Variants in PTBP1 observed in about 807,000 individuals in gnomAD.
The protein encoded by PTBP1 is polypyrimidine tract binding protein 1, also known as polypyrimidine tract-binding protein 1.
PTBP1 carries 8 observed loss-of-function variants against 59.8 expected under a neutral mutation model. The observed-to-expected ratio is 0.13, with a 90% confidence interval of 0.08 to 0.24. The LOEUF is 0.24. PTBP1 is among the 10% of genes least tolerant of loss of function. PTBP1 has a pLI of 1.00. For synonymous variants in PTBP1, 490 were observed against 320.7 expected (o/e 1.53, Z -5.64); for missense variants, 686 against 767.0 (o/e 0.89, Z 1.25).
At position 806,466 on chromosome 19, in the gene PTBP1, GGCGGCAGCT is replaced by G. The variant is rs758093363; in HGVS notation, c.1035_1043del (p.Ala347_Ala349del). On this transcript the variant is annotated inframe_deletion, in exon 10 of 15. Coordinates refer to ENST00000356948, the MANE Select transcript of PTBP1 (RefSeq NM_002819.5). ...CCCCCCTGGCCATCCCCTCGGCGGCGGCGGCAGCTGCGGCGGCAGGTCGGATCGCCATCC... is the reference window on the plus strand; with the variant it reads ...CCCCCCTGGCCATCCCCTCGGCGGCGGCGGCGGCAGGTCGGATCGCCATCC... 6.3e-7 allele frequency: 1 copy of G among 1,595,610 alleles called. No homozygotes were observed. Among genetic ancestry groups the G allele is most frequent in the Non-Finnish European group, 8.5e-7 (1 of 1,171,896 alleles).
In PTBP1 at chr19:807,864, T is replaced by TA. The variant is rs1397318151; in HGVS notation, c.1120-2dup. 2 of 1,613,602 alleles carry TA rather than the reference T, an allele frequency of 1.2e-6. No homozygotes were observed. The highest frequency in any genetic ancestry group is 1.7e-6 in the Non-Finnish European group (2 of 1,179,566). On this transcript the variant is annotated splice_region_variant and splice_polypyrimidine_tract_variant and intron_variant, in intron 10 of 14. Coordinates refer to ENST00000356948, the MANE Select transcript of PTBP1 (RefSeq NM_002819.5). ...CTCCGCTGCCTTGCTCTGCTGTCTC[T>TA]AAAGAGAGTCACACCCCAAAGCCTC...
At chr19:806,922 C>T (rs1053163854) in intron 10 of PTBP1, 16 of 188,314 alleles carry the variant, frequency 8.5e-5, no homozygotes, top group Non-Finnish European at 1.3e-4. Flanking sequence ...GTGGGCAGCC[C>T]CTGTGGCTCG....
rs1389560142 is a variant in PTBP1 at position 808,869 on chromosome 19, C to T, written c.1463+107C>T. The T allele has an allele frequency of 1.0e-5, 11 of 1,086,202 alleles. No homozygotes were observed. The highest frequency in any genetic ancestry group is 1.2e-5 in the Non-Finnish European group (9 of 739,970). The allele number at this position is 1,086,202 out of a possible 1,614,324, so 67.3% of individuals were successfully genotyped here. Reference sequence around the variant, plus strand: ...CTTCTGGCGTTTCCAGAGTGCAGGTCGGGCACCTCTTACCCCAAACCTGAA... The same window carrying T: ...CTTCTGGCGTTTCCAGAGTGCAGGTTGGGCACCTCTTACCCCAAACCTGAA... On this transcript the variant is annotated intron_variant, in intron 13 of 14. Transcript: ENST00000356948. The surrounding 1 kb of genome is among the most constrained non-coding windows in gnomAD (Gnocchi z 4.7).
chr19:798,385 G>A (rs905160202), intron 1 of PTBP1: 1 of 152,298 alleles, frequency 6.6e-6, no homozygotes, highest in Admixed American at 6.5e-5. Flanking sequence ...TAGGAAGCGG[G>A]AGAGGCTGGA....
chr19:799,336 T>C, intron 1 of PTBP1, 77 bp from the exon 2 acceptor site: 1 of 1,404,020 alleles, frequency 7.1e-7, no homozygotes, highest in South Asian at 1.2e-5. Context: ...CGGGCTCTCC[T>C]GGCCCGGGGA....
chr19:803,521 TG>T, intron 2 of PTBP1, 39 bp from the exon 3 acceptor site: 2 of 1,575,874 alleles, frequency 1.3e-6, no homozygotes, highest in Non-Finnish European at 1.7e-6. Flanking sequence ...GGCTCTGGCC[TG>T]GTGGGAAGTG....
Position 808,021 on chromosome 19 carries a change from T to G in PTBP1, c.1153+119T>G. The G allele has an allele frequency of 1.0e-6, 1 of 952,994 alleles. No individual in the cohort carries two copies. The highest frequency in any genetic ancestry group is 1.8e-5 in the Admixed American group (1 of 54,262). 59.0% of individuals were successfully genotyped at this position (952,994 alleles called of 1,614,324 possible). On this transcript the variant is annotated intron_variant, in intron 11 of 14. Transcript: ENST00000356948. The surrounding 1 kb of genome is among the most constrained non-coding windows in gnomAD (Gnocchi z 4.7). Reference sequence around the variant, plus strand: ...CTGATGCTCCGTGGCATCCGCCTCGTTTTATGGTTTGCTTTCGGTTTGCGA... The same window carrying G: ...CTGATGCTCCGTGGCATCCGCCTCGGTTTATGGTTTGCTTTCGGTTTGCGA...
intron 13 of PTBP1, among the ~76,000 whole-genome samples, chr19:809,168 C>T (rs961209431): frequency 5.3e-5 from 8 of 151,886 alleles, no homozygotes; most frequent in African/African-American, 1.9e-4. Context: ...ACAACCACAC[C>T]TGGCTAATTT....
At chr19:799,798 G>A (rs977059614) in intron 2 of PTBP1, among the ~76,000 whole-genome samples, 8 of 152,234 alleles carry the variant, frequency 5.3e-5, no homozygotes, top group Non-Finnish European at 1.2e-4. Flanking sequence ...GTGGCTGCCT[G>A]GGAGACTCTT....
At chr19:809,916 G>A (rs888620515) in intron 13 of PTBP1, among the ~76,000 whole-genome samples, 10 of 152,150 alleles carry the variant, frequency 6.6e-5, no homozygotes, top group African/African-American at 2.4e-4. Context: ...ATTACATAAT[G>A]CAAGTATTTG....
At chr19:807,924 T>G in intron 11 of PTBP1, 22 bp downstream of exon 11, 1 of 1,601,956 alleles carries the variant, frequency 6.2e-7, no homozygotes, top group Non-Finnish European at 8.6e-7. Context: ...TTCACACTTT[T>G]ATTACCTTGT....
chr19:799,906 A>C (rs986805374), intron 2 of PTBP1, among the ~76,000 whole-genome samples: 1 of 151,798 alleles, frequency 6.6e-6, no homozygotes, highest in African/African-American at 2.4e-5. Flanking sequence ...GTTGATTTTG[A>C]CGTTAAGTTT....
intron 2 of PTBP1, among the ~76,000 whole-genome samples, chr19:803,348 AG>A (rs2034421635): frequency 6.6e-6 from 1 of 152,164 alleles, no homozygotes; most frequent in African/African-American, 2.4e-5. Flanking sequence ...ATTTGGAAAA[AG>A]GAGCAGTGTT....
rs751649223 is a variant in PTBP1, at chr19:808,513, G to C, written c.1247-33G>C. The C allele has an allele frequency of 6.4e-7, 1 of 1,560,660 alleles. No individual in the cohort carries two copies. On this transcript the variant is annotated intron_variant, in intron 12 of 14. Transcript: ENST00000356948. The surrounding 1 kb of genome is among the most constrained non-coding windows in gnomAD (Gnocchi z 4.7). ...AGGGGCGGGGGCTGCGTTCCCTCTCGGGCGCCTGGTCACGCGGGTGCTGCT... is the reference window on the plus strand; with the variant it reads ...AGGGGCGGGGGCTGCGTTCCCTCTCCGGCGCCTGGTCACGCGGGTGCTGCT...
At position 810,893 on chromosome 19, in the gene PTBP1, A is replaced by C. The variant is rs2034832990; in HGVS notation, c.*67A>C. On this transcript the variant is annotated 3_prime_UTR_variant, in exon 15 of 15. Coordinates refer to ENST00000356948, the MANE Select transcript of PTBP1 (RefSeq NM_002819.5). Reference sequence around the variant, plus strand: ...CATCATTCCAGAGAAAAGCCACTTTAAAAACAGCTGAAGTGACCTTAGCAG... The same window carrying C: ...CATCATTCCAGAGAAAAGCCACTTTCAAAACAGCTGAAGTGACCTTAGCAG... 7.0e-7 allele frequency: 1 copy of C among 1,428,668 alleles called. No homozygotes were observed. The highest frequency in any genetic ancestry group is 2.6e-5 in the Admixed American group (1 of 38,318). The allele number at this position is 1,428,668 out of a possible 1,614,324, so 88.5% of individuals were successfully genotyped here. A position where few individuals can be genotyped will look rare whatever the true frequency, so the allele number is the denominator to read the frequency against.
At chr19:801,405 A>G (rs922255201) in intron 2 of PTBP1, among the ~76,000 whole-genome samples, 15 of 152,346 alleles carry the variant, frequency 9.8e-5, no homozygotes, top group Admixed American at 7.2e-4. Context: ...GCTGCCGCAG[A>G]CAGTTGTGGG....
In PTBP1 at chr19:798,254, C is replaced by T. The variant is rs1454072290; in HGVS notation, c.8+749C>T. Reference sequence around the variant, plus strand: ...CATGGGGAGGGGCCTTCCCGGCTCTCGGGCCGGGGCAGCCTTTCCGGGCGG... The same window carrying T: ...CATGGGGAGGGGCCTTCCCGGCTCTTGGGCCGGGGCAGCCTTTCCGGGCGG... On this transcript the variant is annotated intron_variant, in intron 1 of 14. Coordinates refer to ENST00000356948, the MANE Select transcript of PTBP1 (RefSeq NM_002819.5). Among the ~76,000 whole-genome samples, 4 of 151,890 alleles carry T rather than the reference C, an allele frequency of 2.6e-5. No individual in the cohort carries two copies. The East Asian group carries it at 5.9e-4, about 22-fold the overall frequency.
In PTBP1 at chr19:808,493, C is replaced by CG; in HGVS notation, c.1246+46dup. On this transcript the variant is annotated intron_variant, in intron 12 of 14. Transcript: ENST00000356948. The surrounding 1 kb of genome is among the most constrained non-coding windows in gnomAD (Gnocchi z 4.7). ...GGCCCCGGGGTGGAGGGGGCAGGGG[C>CG]GGGGGCTGCGTTCCCTCTCGGGCGC... The CG allele has an allele frequency of 6.5e-7, 1 of 1,540,152 alleles. No individual in the cohort carries two copies. The highest frequency in any genetic ancestry group is 8.8e-7 in the Non-Finnish European group (1 of 1,136,580).
intron 13 of PTBP1, among the ~76,000 whole-genome samples, chr19:810,227 A>C (rs891467032): frequency 1.3e-5 from 2 of 152,244 alleles, no homozygotes; most frequent in African/African-American, 4.8e-5. Flanking sequence ...GAATCACTTG[A>C]ACCTGCAGGC....
Sources: gnomAD v4.1 joint callset for allele counts (sites outside exome capture counted in the v4.1 genomes callset) on GRCh38, gnomAD v4.1.1 for gene constraint, Gnocchi (gnomAD v3.1) non-coding constraint, MANE v1.5 for transcripts, NCBI Gene and HGNC (gene_info 2026-07-23, HGNC 2026-07-21) for gene names.